Variants in PFKFB2 observed in about 807,000 individuals in gnomAD.
The protein encoded by PFKFB2 is 6-phosphofructo-2-kinase/fructose-2,6-bisphosphatase 2.
In PFKFB2, 53 loss-of-function variants were observed where a neutral mutation model predicts 68.0. That is an observed-to-expected ratio of 0.78 (90% CI 0.63 to 0.98). PFKFB2 has a LOEUF of 0.98. Ranked by LOEUF, PFKFB2 falls within the 50% of genes least tolerant of loss-of-function variation. The probability of loss-of-function intolerance (pLI) is 0.00; values close to 1 mark genes in which losing one functional copy is unlikely to be tolerated. For synonymous variants in PFKFB2, 222 were observed against 227.6 expected, an observed-to-expected ratio of 0.98 and a Z score of 0.22; for missense variants, 451 against 642.0, an observed-to-expected ratio of 0.70 and a Z score of 3.22.
At position 207,070,925 on chromosome 1, in the gene PFKFB2, C is replaced by T. The variant is rs1179368733; in HGVS notation, c.1223-263C>T. Among the ~76,000 whole-genome samples, 1 of 152,066 alleles carries T rather than the reference C, an allele frequency of 6.6e-6. No homozygotes were observed. Among genetic ancestry groups the T allele is most frequent in the African/African-American group, 2.4e-5 (1 of 41,396 alleles). ...ATTGGCCTTTGCTGTACCCAGGTGA[C>T]CCCCTTCCATTGGGCTCTCTGGCTA... is the stretch of plus-strand genomic sequence containing the variant. On this transcript the variant is annotated intron_variant, in intron 12 of 14. Coordinates refer to ENST00000367080, the MANE Select transcript of PFKFB2 (RefSeq NM_006212.2). The surrounding 1 kb of genome is among the most constrained non-coding windows in gnomAD (Gnocchi z 4.2).
At chr1:207,050,754 A>G (rs1455126372), upstream of PFKFB2, 1 of 1,613,388 alleles carries the variant, frequency 6.2e-7, no homozygotes, top group Non-Finnish European at 8.5e-7. Flanking sequence ...TCGGGAGGGT[A>G]TCCGACGAGG....
chr1:207,075,973 A>G lies in PFKFB2; in HGVS notation c.*3602A>G. ...TTTTTACATTGAGTTTTAAAGTAGA[A>G]TAAGAAAAGCTTCTAAAAACTTGCA... On this transcript the variant is annotated 3_prime_UTR_variant, in exon 15 of 15. Coordinates refer to ENST00000367080, the MANE Select transcript of PFKFB2 (RefSeq NM_006212.2). 3 of 985,424 alleles carry G rather than the reference A, an allele frequency of 3.0e-6. No homozygotes were observed. Among genetic ancestry groups the G allele is most frequent in the Non-Finnish European group, 1.2e-6 (1 of 829,918 alleles). 61.0% of individuals were successfully genotyped at this position (985,424 alleles called of 1,614,324 possible).
intron 10 of PFKFB2, 61 bp from the exon 11 acceptor site, chr1:207,069,363 G>A: frequency 5.5e-6 from 6 of 1,090,518 alleles, no homozygotes; most frequent in Non-Finnish European, 7.0e-6. Context: ...TTCCTTATTT[G>A]GGATGGGGCT....
Position 207,070,268 on chromosome 1 carries a change from T to C in PFKFB2, c.1093-12T>C. On this transcript the variant is annotated splice_polypyrimidine_tract_variant and intron_variant, in intron 11 of 14. Transcript: ENST00000367080. The surrounding 1 kb of genome is among the most constrained non-coding windows in gnomAD (Gnocchi z 4.2). ...CTGGGCTCCTGCCAGCCTGCCCCAT[T>C]TCCCTCCACAGTCATACCAGGACCT... is the stretch of plus-strand genomic sequence containing the variant. 1 of 1,612,602 alleles carries C rather than the reference T, an allele frequency of 6.2e-7. No homozygotes were observed. Among genetic ancestry groups the C allele is most frequent in the Non-Finnish European group, 8.5e-7 (1 of 1,179,820 alleles).
rs749465749 is a variant in PFKFB2 at position 207,062,607 on chromosome 1, G to C, written c.212-13G>C. On this transcript the variant is annotated splice_polypyrimidine_tract_variant and intron_variant, in intron 3 of 14. Coordinates refer to ENST00000367080, the MANE Select transcript of PFKFB2 (RefSeq NM_006212.2). ...ATTATTTTGCTGCTGAAGGATTTGGGTGTCTTCTACAGTGTTTAATCTTGG... is the reference window on the plus strand; with the variant it reads ...ATTATTTTGCTGCTGAAGGATTTGGCTGTCTTCTACAGTGTTTAATCTTGG... The C allele has an allele frequency of 2.5e-6, 4 of 1,609,578 alleles. No homozygotes were observed. The highest frequency in any genetic ancestry group is 3.4e-6 in the Non-Finnish European group (4 of 1,178,574).
Position 207,062,075 on chromosome 1 carries a change from A to T in PFKFB2, c.208A>T (p.Lys70Ter). 6.2e-7 allele frequency: 1 copy of T among 1,614,100 alleles called. No individual in the cohort carries two copies. The highest frequency in any genetic ancestry group is 8.5e-7 in the Non-Finnish European group (1 of 1,179,962). Residue 70 changes from lysine (K) to a stop codon, truncating the protein, a stop_gained, in exon 3 of 15, where the codon AAA becomes TAA. Transcript: ENST00000367080. LOFTEE classifies it high-confidence loss of function. The stretch of plus-strand genomic sequence containing the variant: ...CCTCAACTGGATTGGAGTCCCCACC[A>T]AAGGTAAGTGTGGCTCATTCCCTAG... ...RYLNWIGVPTKVFNLGVYRRE... is the reference protein window; with the variant it reads ...RYLNWIGVPT
chr1:207,065,438 C>A (rs1683256186), intron 8 of PFKFB2: 1 of 325,496 alleles, frequency 3.1e-6, no homozygotes, highest in Non-Finnish European at 4.4e-6. Flanking sequence ...GCAACTGCTG[C>A]CCCCGGGGCT....
chr1:207,038,195 A>C (rs942068879), intron 1 of PFKFB2, among the ~76,000 whole-genome samples: 5 of 152,202 alleles, frequency 3.3e-5, no homozygotes, highest in African/African-American at 1.2e-4. Flanking sequence ...TTATTCATTC[A>C]CATGTTCATT....
At chr1:207,056,318 T>C (rs913965443) in intron 2 of PFKFB2, among the ~76,000 whole-genome samples, 3 of 151,410 alleles carry the variant, frequency 2.0e-5, no homozygotes, top group Admixed American at 2.0e-4. Context: ...TAATTATTTT[T>C]TCAGTAAAAA....
chr1:207,072,405 CTG>C lies in PFKFB2; in HGVS notation c.*40_*41del. 6.2e-7 allele frequency: 1 copy of C among 1,601,254 alleles called. No homozygotes were observed. The highest frequency in any genetic ancestry group is 1.1e-5 in the South Asian group (1 of 89,660). On this transcript the variant is annotated 3_prime_UTR_variant, in exon 15 of 15. Transcript: ENST00000367080. ...CCAAGTCAGCATTCCGGTGGTGTAACTGTGTGTTTCCCTCCAGCCCTGGCCTC... is the reference window on the plus strand; with the variant it reads ...CCAAGTCAGCATTCCGGTGGTGTAACTGTGTTTCCCTCCAGCCCTGGCCTC...
At position 207,075,090 on chromosome 1, in the gene PFKFB2, T is replaced by C; in HGVS notation, c.*2719T>C. 4 of 985,456 alleles carry C rather than the reference T, an allele frequency of 4.1e-6. No homozygotes were observed. The highest frequency in any genetic ancestry group is 4.8e-6 in the Non-Finnish European group (4 of 829,930). 61.0% of individuals were successfully genotyped at this position (985,456 alleles called of 1,614,324 possible). A position where few individuals can be genotyped will look rare whatever the true frequency, so the allele number is the denominator to read the frequency against. ...CTAATGAATGAGAAGAGGGAGCACTTTGATCCACAGACTTTGGATTAACAC... is the reference window on the plus strand; with the variant it reads ...CTAATGAATGAGAAGAGGGAGCACTCTGATCCACAGACTTTGGATTAACAC... On this transcript the variant is annotated 3_prime_UTR_variant, in exon 15 of 15. Transcript: ENST00000367080.
At chr1:207,043,221 C>G (rs567631998) in intron 2 of PFKFB2, among the ~76,000 whole-genome samples, 1 of 152,116 alleles carries the variant, frequency 6.6e-6, no homozygotes, top group Admixed American at 6.5e-5. Context: ...ACAACCCAAC[C>G]GATTCTTTAT....
At position 207,067,529 on chromosome 1, in the gene PFKFB2, G is replaced by A; in HGVS notation, c.663G>A (p.Val221=). The A allele has an allele frequency of 6.2e-7, 1 of 1,613,740 alleles. No homozygotes were observed. Among genetic ancestry groups the A allele is most frequent in the Non-Finnish European group, 8.5e-7 (1 of 1,179,818 alleles). Residue 221 remains valine, a synonymous_variant, in exon 9 of 15, where the codon GTG becomes GTA. Coordinates refer to ENST00000367080, the MANE Select transcript of PFKFB2 (RefSeq NM_006212.2). ...TTTCTTTCATCAAGGTGATAAACGT[G>A]GGCCAGCGATTTTTAGTCAACAGAG... ...KDLSFIKVIN[V]GQRFLVNRVQ...
At chr1:207,050,842 C>G, upstream of PFKFB2, 1 of 1,612,966 alleles carries the variant, frequency 6.2e-7, no homozygotes, top group East Asian at 2.2e-5. Flanking sequence ...TCCGGCTGGA[C>G]AGCCCCTGCA....
At chr1:207,049,034 A>C, upstream of PFKFB2, 2 of 1,613,506 alleles carry the variant, frequency 1.2e-6, no homozygotes, top group Non-Finnish European at 1.7e-6. Context: ...ACTTCTCCAA[A>C]GTTGGTATGG....
At position 207,074,481 on chromosome 1, in the gene PFKFB2, G is replaced by T; in HGVS notation, c.*2110G>T. 1.0e-6 allele frequency: 1 copy of T among 985,400 alleles called. No homozygotes were observed. The highest frequency in any genetic ancestry group is 4.7e-5 in the South Asian group (1 of 21,286). The allele number at this position is 985,400 out of a possible 1,614,324, so 61.0% of individuals were successfully genotyped here. On this transcript the variant is annotated 3_prime_UTR_variant, in exon 15 of 15. Transcript: ENST00000367080. ...CACCCTGGAGAGAGGTGCAGACCCT[G>T]CCAGGATGATAAAGGTTGTCATCAC...
rs1683423778 is a variant in PFKFB2 at position 207,070,158 on chromosome 1, G to T, written c.1093-122G>T. ...TTAGCAGGTGATGTAAACTCACTGA[G>T]CCTCCAGGAGGAAAGCCAGCTGAGG... On this transcript the variant is annotated intron_variant, in intron 11 of 14. Transcript: ENST00000367080. This position sits in a 1 kb window ranked among gnomAD's most constrained non-coding sequence, Gnocchi z 4.2. The T allele has an allele frequency of 8.9e-7, 1 of 1,123,658 alleles. No individual in the cohort carries two copies. The highest frequency in any genetic ancestry group is 1.3e-6 in the Non-Finnish European group (1 of 783,242). The allele number at this position is 1,123,658 out of a possible 1,614,324, so 69.6% of individuals were successfully genotyped here.
At chr1:207,077,910 T>A (rs1248718857), downstream of PFKFB2, 3 of 520,098 alleles carry the variant, frequency 5.8e-6, no homozygotes, top group African/African-American at 6.2e-5. Flanking sequence ...TGCACAAGGA[T>A]TCAGACTCAG....
chr1:207,044,609 A>G (rs2102320238), intron 2 of PFKFB2: 1 of 152,408 alleles, frequency 6.6e-6, no homozygotes, highest in East Asian at 1.9e-4. Flanking sequence ...ATCATGGCAA[A>G]ATGCTTATAA....
Sources: gnomAD v4.1 joint callset for allele counts (sites outside exome capture counted in the v4.1 genomes callset) on GRCh38, gnomAD v4.1.1 for gene constraint, Gnocchi (gnomAD v3.1) non-coding constraint, MANE v1.5 for transcripts, NCBI Gene and HGNC (gene_info 2026-07-23, HGNC 2026-07-21) for gene names.